ATP2B1: variants seen among roughly 807,000 people sequenced by gnomAD.
ATP2B1 encodes the protein plasma membrane calcium-transporting ATPase 1.
Under a neutral mutation model 124.2 loss-of-function variants are expected in ATP2B1, and 14 were observed. The observed-to-expected ratio is 0.11, with a 90% CI of 0.07 to 0.18. The LOEUF is 0.18. ATP2B1 is among the 10% of genes least tolerant of loss of function. The probability of loss-of-function intolerance (pLI) is 1.00; values close to 1 mark genes in which losing one functional copy is unlikely to be tolerated. For synonymous variants in ATP2B1, 449 were observed against 492.4 expected, an observed-to-expected ratio of 0.91 and a Z score of 1.17; for missense variants, 763 against 1,466.1, an observed-to-expected ratio of 0.52 and a Z score of 7.83.
intron 1 of ATP2B1, among the ~76,000 whole-genome samples, 190 bp from the exon 2 acceptor site, chr12:89,656,297 CTG>C (rs1885941950): frequency 6.6e-6 from 1 of 152,174 alleles, no homozygotes; most frequent in South Asian, 2.1e-4. Flanking sequence ...TTAAATAAAA[CTG>C]TACATCAGAA....
intron 1 of ATP2B1, among the ~76,000 whole-genome samples, chr12:89,694,803 T>A (rs11105375): frequency 0.15 from 23,250 of 152,060 alleles, 2,110 homozygotes; most frequent in South Asian, 0.34. Flanking sequence ...ACGCCTGTAA[T>A]CCCAGCACTT....
intron 1 of ATP2B1, among the ~76,000 whole-genome samples, chr12:89,691,232 C>T (rs964612191): frequency 3.7e-4 from 57 of 152,050 alleles, no homozygotes; most frequent in African/African-American, 1.4e-3. Flanking sequence ...TTAAATGATA[C>T]CAACTGTTAC....
At chr12:89,708,142 C>G (rs1892726937) in intron 1 of ATP2B1, among the ~76,000 whole-genome samples, 1 of 152,114 alleles carries the variant, frequency 6.6e-6, no homozygotes, top group African/African-American at 2.4e-5. Flanking sequence ...GGGGCCGAGG[C>G]CAAGGATTAG....
intron 1 of ATP2B1, among the ~76,000 whole-genome samples, chr12:89,660,758 T>TA (rs1886607809): frequency 6.6e-6 from 1 of 152,216 alleles, no homozygotes; most frequent in Non-Finnish European, 1.5e-5. Context: ...TTTTTACTGT[T>TA]CTTTAAGAAT....
intron 1 of ATP2B1, among the ~76,000 whole-genome samples, chr12:89,686,731 T>A (rs1430234066): frequency 1.3e-5 from 2 of 152,122 alleles, no homozygotes; most frequent in Non-Finnish European, 2.9e-5. Flanking sequence ...ATATTTATGT[T>A]CATTCTCAAC....
At chr12:89,679,354 T>G (rs896669282) in intron 1 of ATP2B1, among the ~76,000 whole-genome samples, 2 of 152,214 alleles carry the variant, frequency 1.3e-5, no homozygotes, top group Admixed American at 1.3e-4. Context: ...AACCAGTTGC[T>G]AAAATTAGCT....
intron 1 of ATP2B1, among the ~76,000 whole-genome samples, chr12:89,672,428 T>C (rs1888110145): frequency 6.6e-6 from 1 of 152,094 alleles, no homozygotes; most frequent in Non-Finnish European, 1.5e-5. Context: ...CACTCCAGCA[T>C]GGGTGACAGA....
intron 1 of ATP2B1, among the ~76,000 whole-genome samples, chr12:89,663,525 G>GA (rs1886945615): frequency 8.7e-6 from 1 of 115,592 alleles, no homozygotes; most frequent in East Asian, 2.6e-4. Context: ...AGTTGGCAAG[G>GA]TCTAAATAAT....
chr12:89,613,526 T>C (rs923505746), intron 12 of ATP2B1, among the ~76,000 whole-genome samples: 2 of 152,010 alleles, frequency 1.3e-5, no homozygotes, highest in Non-Finnish European at 2.9e-5. Context: ...CCTGCTTAGA[T>C]TATTTTTTCA....
chr12:89,627,234 G>A (rs1159588102), intron 7 of ATP2B1, among the ~76,000 whole-genome samples: 2 of 151,998 alleles, frequency 1.3e-5, no homozygotes, highest in East Asian at 3.9e-4. Context: ...ATGCGGAATA[G>A]TCAAAACTGT....
intron 20 of ATP2B1, among the ~76,000 whole-genome samples, chr12:89,595,510 T>C (rs2681478): frequency 0.95 from 144,868 of 152,148 alleles, 69,039 homozygotes; most frequent in East Asian, 0.99. Flanking sequence ...TGTTTGAGTC[T>C]AGCATTTGAC....
At chr12:89,676,884 T>C (rs1888673471) in intron 1 of ATP2B1, among the ~76,000 whole-genome samples, 1 of 152,248 alleles carries the variant, frequency 6.6e-6, no homozygotes, top group Admixed American at 6.5e-5. Context: ...GTTATTATTA[T>C]AGAACACAAA....
intron 2 of ATP2B1, among the ~76,000 whole-genome samples, chr12:89,648,804 G>C (rs1220229367): frequency 1.3e-5 from 2 of 152,250 alleles, no homozygotes; most frequent in Admixed American, 6.5e-5. Context: ...ATGCTTTCAA[G>C]GGCTAGGCCC....
rs535007285 is a variant in ATP2B1 at position 89,633,819 on chromosome 12, T to C, written c.787+959A>G. On this transcript the variant is annotated intron_variant, in intron 5 of 20. Coordinates refer to ENST00000428670, the MANE Select transcript of ATP2B1 (RefSeq NM_001366521.1). ...CACCTGACAATGACAGAAGACTACATGTAGAAGGCTACATTTGGCTTTCCC... is the reference window on the plus strand; with the variant it reads ...CACCTGACAATGACAGAAGACTACACGTAGAAGGCTACATTTGGCTTTCCC... 4.6e-5 allele frequency among the ~76,000 whole-genome samples: 7 copies of C among 152,224 alleles called. No homozygotes were observed. The South Asian group carries it at 1.5e-3, about 32-fold the overall frequency.
At chr12:89,686,443 C>T (rs10745509) in intron 1 of ATP2B1, among the ~76,000 whole-genome samples, 2 of 152,016 alleles carry the variant, frequency 1.3e-5, no homozygotes, top group Non-Finnish European at 2.9e-5. Flanking sequence ...TGCGTACACT[C>T]ACTTTTATTT....
At chr12:89,619,945 C>T (rs962485807) in intron 11 of ATP2B1, 54 bp downstream of exon 11, 2 of 1,593,416 alleles carry the variant, frequency 1.3e-6, no homozygotes, top group Admixed American at 1.7e-5. Flanking sequence ...ACAGTAGATA[C>T]TCCATAAAGC....
At chr12:89,614,866 G>A (rs1275834340) in intron 12 of ATP2B1, among the ~76,000 whole-genome samples, 1 of 151,980 alleles carries the variant, frequency 6.6e-6, no homozygotes, top group African/African-American at 2.4e-5. Flanking sequence ...ACAACTGTGG[G>A]CCAAGCCATG....
rs1555206874 is a variant in ATP2B1, at chr12:89,677,961, T to TATATATGTATATATATATATATAC, written c.-221-21855_-221-21854insGTATATATATATATATACATATAT. On this transcript the variant is annotated intron_variant, in intron 1 of 20. Transcript: ENST00000428670. ...GTTGGGGGCATGCAGGAATTATATATATATATATATACACACACACACACA... is the reference window on the plus strand; with the variant it reads ...GTTGGGGGCATGCAGGAATTATATATATATATGTATATATATATATATACATATATATATACACACACACACACA... Among the ~76,000 whole-genome samples, 14 of 25,814 alleles carry TATATATGTATATATATATATATAC rather than the reference T, an allele frequency of 5.4e-4. 1 individual carries two copies. The highest frequency in any genetic ancestry group is 7.0e-4 in the Non-Finnish European group (8 of 11,364). 16.9% of individuals were successfully genotyped at this position (25,814 alleles called of 152,430 possible).
At chr12:89,656,658 TA>T (rs990590814) in intron 1 of ATP2B1, among the ~76,000 whole-genome samples, 42 of 152,288 alleles carry the variant, frequency 2.8e-4, no homozygotes, top group African/African-American at 9.6e-4. Context: ...CCTTTAATAT[TA>T]TTTCCTGTAA....
Sources: gnomAD v4.1 joint callset for allele counts (sites outside exome capture counted in the v4.1 genomes callset) on GRCh38, gnomAD v4.1.1 for gene constraint, MANE v1.5 for transcripts, NCBI Gene and HGNC (gene_info 2026-07-23, HGNC 2026-07-21) for gene names.